The following NHERF4 variants were observed in gnomAD, a reference collection of about 807,000 sequenced individuals.
NHERF4 encodes Na(+)/H(+) exchange regulatory cofactor NHE-RF4.
chr11:119,189,399 G>A, the NHERF4 span: 1 of 1,586,080 alleles, frequency 6.3e-7, no homozygotes, highest in South Asian at 1.1e-5. This position sits in a 1 kb window ranked among gnomAD's most constrained non-coding sequence, Gnocchi z 5.8. Context: ...GCAGGGCGGG[G>A]CAAGAAAAAG....
the NHERF4 span, chr11:119,188,644 G>C: frequency 3.1e-6 from 5 of 1,614,068 alleles, no homozygotes; most frequent in Non-Finnish European, 4.2e-6. Flanking sequence ...TTCCAGGTTC[G>C]CCTGTCCCCA....
the NHERF4 span, chr11:119,185,732 G>C: frequency 1.2e-6 from 1 of 828,954 alleles, no homozygotes; most frequent in African/African-American, 1.7e-5. Context: ...TGGGGGGAGA[G>C]AAAGGGAGGG....
At chr11:119,186,185 G>A in the NHERF4 span, 1 of 1,613,966 alleles carries the variant, frequency 6.2e-7, no homozygotes, top group Non-Finnish European at 8.5e-7. This position sits in a 1 kb window ranked among gnomAD's most constrained non-coding sequence, Gnocchi z 4.4. Flanking sequence ...TCACCCCCTG[G>A]CAACCATTCC....
At chr11:119,188,030 C>A in the NHERF4 span, 2 of 1,557,968 alleles carry the variant, frequency 1.3e-6, no homozygotes, top group Non-Finnish European at 8.7e-7. Context: ...CCTGGCTGCA[C>A]CCCTGGCAGA....
chr11:119,187,659 G>T, the NHERF4 span: 9 of 1,549,492 alleles, frequency 5.8e-6, no homozygotes, highest in Non-Finnish European at 7.0e-6. Flanking sequence ...AGTGAATGGG[G>T]TCAGTGTGGA....
At chr11:119,186,232 G>C in the NHERF4 span, 1 of 1,613,968 alleles carries the variant, frequency 6.2e-7, no homozygotes, top group South Asian at 1.1e-5. This position sits in a 1 kb window ranked among gnomAD's most constrained non-coding sequence, Gnocchi z 4.4. Flanking sequence ...CACGGCCTCC[G>C]ATCTCCTTGG....
the NHERF4 span, chr11:119,185,569 G>A: frequency 2.6e-6 from 4 of 1,528,588 alleles, no homozygotes; most frequent in East Asian, 9.0e-5. Context: ...GGGCCGACTT[G>A]GAGGCTGAAG....
the NHERF4 span, chr11:119,187,631 C>A: frequency 6.4e-7 from 1 of 1,568,364 alleles, no homozygotes; most frequent in Non-Finnish European, 8.6e-7. Context: ...GGGTGCCCCC[C>A]GGGGCCCGGC....
the NHERF4 span, chr11:119,188,216 T>A: frequency 6.5e-7 from 1 of 1,533,176 alleles, no homozygotes; most frequent in Non-Finnish European, 8.8e-7. Flanking sequence ...TATACACCTT[T>A]CAGTGCACCG....
the NHERF4 span, chr11:119,185,712 G>A: frequency 1.3e-6 from 1 of 786,350 alleles, no homozygotes; most frequent in Non-Finnish European, 2.2e-6. Context: ...AGATTTATGT[G>A]CCAAGGACTT....
the NHERF4 span, chr11:119,185,657 T>C: frequency 1.2e-6 from 1 of 803,874 alleles, no homozygotes; most frequent in South Asian, 1.5e-5. Flanking sequence ...AAGTAATGAG[T>C]TGATATGTCT....
the NHERF4 span, chr11:119,187,639 G>C: frequency 1.3e-6 from 2 of 1,562,666 alleles, no homozygotes; most frequent in Non-Finnish European, 1.7e-6. Flanking sequence ...CCCGGGGCCC[G>C]GCTGCTGGAA....
chr11:119,188,541 T>G, the NHERF4 span: 1 of 1,599,142 alleles, frequency 6.3e-7, no homozygotes, highest in East Asian at 2.2e-5. Context: ...GCGGACCGCT[T>G]CTTCAGCATG....
chr11:119,188,696 G>C, the NHERF4 span: 3 of 1,614,048 alleles, frequency 1.9e-6, no homozygotes, highest in East Asian at 4.5e-5. Flanking sequence ...CCTCGCCCCG[G>C]GGCAGCAGCT....
At chr11:119,187,597 C>T in the NHERF4 span, 1 of 1,587,096 alleles carries the variant, frequency 6.3e-7, no homozygotes, top group South Asian at 1.1e-5. Context: ...GTGCTAAGTA[C>T]TGGAGGAGCA....
chr11:119,189,190 C>T, the NHERF4 span: 3 of 1,609,830 alleles, frequency 1.9e-6, no homozygotes, highest in African/African-American at 2.7e-5. This position sits in a 1 kb window ranked among gnomAD's most constrained non-coding sequence, Gnocchi z 5.8. Flanking sequence ...CCTGGATTCC[C>T]CCTGGGGCTG....
the NHERF4 span, chr11:119,187,627 C>T: frequency 6.4e-7 from 1 of 1,571,982 alleles, no homozygotes; most frequent in South Asian, 1.2e-5. Flanking sequence ...GCAGGGGTGC[C>T]CCCCGGGGCC....
chr11:119,189,244 A>G, the NHERF4 span: 1 of 1,577,134 alleles, frequency 6.3e-7, no homozygotes, highest in Non-Finnish European at 8.6e-7. This position sits in a 1 kb window ranked among gnomAD's most constrained non-coding sequence, Gnocchi z 5.8. Context: ...GAGTAGCTAC[A>G]GAGGGCAGGG....
At chr11:119,186,664 G>A in the NHERF4 span, 9 of 1,609,408 alleles carry the variant, frequency 5.6e-6, no homozygotes, top group African/African-American at 1.3e-5. This position sits in a 1 kb window ranked among gnomAD's most constrained non-coding sequence, Gnocchi z 4.4. Flanking sequence ...GAACAATGAT[G>A]TTGTGGAACA....
Sources: gnomAD v4.1 joint callset for allele counts on GRCh38, gnomAD v4.1.1 for gene constraint, Gnocchi (gnomAD v3.1) non-coding constraint, MANE v1.5 for transcripts, NCBI Gene and HGNC (gene_info 2026-07-23, HGNC 2026-07-21) for gene names.